The following RIMS1 variants were observed in gnomAD, a reference collection of about 807,000 sequenced individuals.
RIMS1 encodes the protein regulating synaptic membrane exocytosis protein 1.
RIMS1 carries 83 observed loss-of-function variants against 214.1 expected under a neutral mutation model. The observed-to-expected ratio is 0.39, with a 90% CI of 0.32 to 0.47. The LOEUF (loss-of-function observed/expected upper bound fraction) is 0.47. RIMS1 is among the 20% of genes least tolerant of loss of function. The pLI is 0.99. For missense variants in RIMS1, 2,050 were observed against 2,161.8 expected (o/e 0.95, Z 1.03); for synonymous variants, 793 against 786.8 (o/e 1.01, Z -0.13).
At chr6:72,120,031 A>T (rs2037924723) in intron 4 of RIMS1, among the ~76,000 whole-genome samples, 1 of 151,670 alleles carries the variant, frequency 6.6e-6, no homozygotes, top group African/African-American at 2.4e-5. Flanking sequence ...TATGGGCCAC[A>T]TTTTCTTAAT....
chr6:72,240,549 T>C (rs894508154), intron 9 of RIMS1, among the ~76,000 whole-genome samples: 1 of 151,218 alleles, frequency 6.6e-6, no homozygotes, highest in Non-Finnish European at 1.5e-5. Flanking sequence ...AGGATCATGA[T>C]GTCAACTTTG....
chr6:71,951,480 T>TTTTTTTTTTC (rs1561953204), intron 1 of RIMS1, among the ~76,000 whole-genome samples: 1 of 120,486 alleles, frequency 8.3e-6, no homozygotes. Flanking sequence ...TTCTTTTTCT[T>TTTTTTTTTTC]TTTTTTTTTT....
chr6:72,224,045 G>A (rs980647373), intron 6 of RIMS1, among the ~76,000 whole-genome samples: 1 of 151,678 alleles, frequency 6.6e-6, no homozygotes, highest in Non-Finnish European at 1.5e-5. Context: ...TCATAGAGGA[G>A]ATTATCAGCA....
chr6:71,998,237 A>G (rs72931408), intron 2 of RIMS1, among the ~76,000 whole-genome samples: 8,365 of 152,170 alleles, frequency 0.055, 333 homozygotes, highest in Non-Finnish European at 0.082. Context: ...TATTGTAATC[A>G]GCCTCAGTGG....
intron 2 of RIMS1, among the ~76,000 whole-genome samples, chr6:72,040,616 T>C (rs1478458053): frequency 6.6e-6 from 1 of 151,906 alleles, no homozygotes; most frequent in Non-Finnish European, 1.5e-5. Flanking sequence ...ATATAAAATA[T>C]GTAAGTAGTT....
chr6:72,389,947 C>T, intron 29 of RIMS1, among the ~76,000 whole-genome samples: 1 of 152,166 alleles, frequency 6.6e-6, no homozygotes, highest in Non-Finnish European at 1.5e-5. Context: ...AGTCAGAACT[C>T]ATGCAGCTGA....
intron 29 of RIMS1, among the ~76,000 whole-genome samples, chr6:72,346,033 G>T (rs1395308466): frequency 6.6e-6 from 1 of 151,676 alleles, no homozygotes; most frequent in East Asian, 1.9e-4. Flanking sequence ...TCTAGAAGAG[G>T]CTCCTGCAGA....
chr6:72,364,598 G>A (rs1299793671), intron 29 of RIMS1, among the ~76,000 whole-genome samples: 1 of 152,094 alleles, frequency 6.6e-6, no homozygotes, highest in Admixed American at 6.6e-5. Context: ...CTTCTCTTTG[G>A]CAACTGTGTT....
chr6:71,902,410 T>C (rs1260026413), intron 1 of RIMS1, among the ~76,000 whole-genome samples: 1 of 152,108 alleles, frequency 6.6e-6, no homozygotes, highest in Non-Finnish European at 1.5e-5. Flanking sequence ...GACAAAAGCA[T>C]GCAGATAAGA....
At chr6:71,943,072 A>G (rs1487363851) in intron 1 of RIMS1, among the ~76,000 whole-genome samples, 2 of 152,156 alleles carry the variant, frequency 1.3e-5, no homozygotes, top group Non-Finnish European at 2.9e-5. Context: ...ATGTTCTCAC[A>G]TACCATGGTT....
intron 31 of RIMS1, among the ~76,000 whole-genome samples, chr6:72,394,426 G>A (rs1214081121): frequency 6.6e-6 from 1 of 152,120 alleles, no homozygotes; most frequent in Non-Finnish European, 1.5e-5. Flanking sequence ...AATATTGGGA[G>A]AATGGGATGA....
chr6:72,287,595 AC>A (rs2092579603), intron 24 of RIMS1, among the ~76,000 whole-genome samples: 1 of 150,978 alleles, frequency 6.6e-6, no homozygotes, highest in Admixed American at 6.6e-5. Flanking sequence ...TGCTCTGCAA[AC>A]TTTTTTTTTT....
At chr6:71,951,506 G>A (rs1332877241) in intron 1 of RIMS1, among the ~76,000 whole-genome samples, 3 of 106,232 alleles carry the variant, frequency 2.8e-5, no homozygotes, top group African/African-American at 4.2e-5. Context: ...GTGTGTGTGT[G>A]TGTGACAGAG....
At chr6:71,978,251 G>T (rs1797647339) in intron 2 of RIMS1, among the ~76,000 whole-genome samples, 1 of 152,108 alleles carries the variant, frequency 6.6e-6, no homozygotes, top group African/African-American at 2.4e-5. Context: ...GGATGCAATT[G>T]TATCTTAAAT....
chr6:72,031,083 A>G (rs1170621244), intron 2 of RIMS1, among the ~76,000 whole-genome samples: 1 of 152,174 alleles, frequency 6.6e-6, no homozygotes. Context: ...TTTTAACATT[A>G]TATCTTGTAA....
chr6:72,065,268 C>T (rs1052853360), intron 2 of RIMS1, among the ~76,000 whole-genome samples: 2 of 152,076 alleles, frequency 1.3e-5, no homozygotes, highest in African/African-American at 2.4e-5. Flanking sequence ...CTCATCTGCA[C>T]TTGTATTACC....
chr6:72,157,839 G>T (rs1448254687), intron 4 of RIMS1, among the ~76,000 whole-genome samples: 1 of 139,582 alleles, frequency 7.2e-6, no homozygotes, highest in Non-Finnish European at 1.6e-5. Context: ...TACTTCTTTT[G>T]GATTAGTTAT....
intron 30 of RIMS1, among the ~76,000 whole-genome samples, chr6:72,391,196 T>C (rs1348570122): frequency 6.6e-6 from 1 of 152,140 alleles, no homozygotes; most frequent in Non-Finnish European, 1.5e-5. Flanking sequence ...ATATGTAAGT[T>C]ACATTTTCTT....
At chr6:72,241,463 G>A (rs1181559394) in intron 9 of RIMS1, among the ~76,000 whole-genome samples, 1 of 151,966 alleles carries the variant, frequency 6.6e-6, no homozygotes, top group African/African-American at 2.4e-5. Flanking sequence ...TTTTTTTCAC[G>A]TGACCTATGG....
Sources: allele counts gnomAD v4.1 joint callset (sites outside exome capture counted in the v4.1 genomes callset), GRCh38; gene constraint gnomAD v4.1.1; transcripts MANE v1.5; gene names NCBI Gene and HGNC (gene_info 2026-07-23, HGNC 2026-07-21).